Variants in CSMD3 observed in about 807,000 individuals in gnomAD.
CSMD3 encodes the protein CUB and sushi domain-containing protein 3.
Under a neutral mutation model 435.2 loss-of-function variants are expected in CSMD3, and 177 were observed. That is an observed-to-expected ratio of 0.41 (90% CI 0.36 to 0.46). CSMD3 has a LOEUF of 0.46. CSMD3 is among the 20% of genes least tolerant of loss of function. CSMD3 has a pLI of 0.34. For synonymous variants in CSMD3, 1,656 were observed against 1,520.5 expected (o/e 1.09, Z -2.07); for missense variants, 4,265 against 4,504.6 (o/e 0.95, Z 1.52).
At chr8:112,842,086 T>A (rs1316009670) in intron 11 of CSMD3, among the ~76,000 whole-genome samples, 1 of 151,772 alleles carries the variant, frequency 6.6e-6, no homozygotes, top group East Asian at 1.9e-4. Flanking sequence ...ACAGGTATAA[T>A]ATCACATTCC....
In CSMD3 at chr8:112,710,616, G is replaced by T. The variant is rs920137629; in HGVS notation, c.1973-20566C>A. On this transcript the variant is annotated intron_variant, in intron 13 of 70. Coordinates refer to ENST00000297405, the MANE Select transcript of CSMD3 (RefSeq NM_198123.2). ...TTAAGGTTTGGAGTAAAAAGAATTG[G>T]GTGTGGGAGAAAGACAAGGAAAGTC... Among the ~76,000 whole-genome samples the T allele has an allele frequency of 3.3e-5, 5 of 151,660 alleles. No individual in the cohort carries two copies. The South Asian group carries it at 1.0e-3, about 32-fold the overall frequency.
intron 3 of CSMD3, among the ~76,000 whole-genome samples, chr8:113,211,648 C>G (rs2092836141): frequency 6.6e-6 from 1 of 152,072 alleles, no homozygotes; most frequent in African/African-American, 2.4e-5. Context: ...GAGATCGCAC[C>G]ACTGCACTCC....
chr8:113,330,479 T>C (rs75403315), intron 1 of CSMD3, among the ~76,000 whole-genome samples: 1 of 151,818 alleles, frequency 6.6e-6, no homozygotes, highest in Non-Finnish European at 1.5e-5. Flanking sequence ...ACATCAAATA[T>C]AAATGGAATA....
At chr8:113,312,568 G>A (rs2093877803) in intron 2 of CSMD3, 1 of 152,122 alleles carries the variant, frequency 6.6e-6, no homozygotes, top group Non-Finnish European at 1.5e-5. Flanking sequence ...ATAAAAATGT[G>A]TTTTCTCATT....
At chr8:112,333,694 A>C (rs1482444442) in intron 45 of CSMD3, among the ~76,000 whole-genome samples, 1 of 149,620 alleles carries the variant, frequency 6.7e-6, no homozygotes, top group Non-Finnish European at 1.5e-5. Flanking sequence ...ACACACACAC[A>C]ACACTGACAT....
intron 8 of CSMD3, among the ~76,000 whole-genome samples, chr8:112,951,324 T>C (rs1034688612): frequency 1.3e-4 from 20 of 151,792 alleles, no homozygotes; most frequent in African/African-American, 3.9e-4. Context: ...GAGTGCTCTC[T>C]AAAAGTTTAA....
chr8:112,354,744 A>T (rs1249858132), intron 38 of CSMD3, among the ~76,000 whole-genome samples: 2 of 152,234 alleles, frequency 1.3e-5, no homozygotes, highest in Admixed American at 6.5e-5. Flanking sequence ...GAATTGGAAG[A>T]ATCAATATTG....
intron 17 of CSMD3, 114 bp downstream of exon 17, chr8:112,666,163 C>T (rs1586924749): frequency 3.5e-6 from 3 of 854,284 alleles, no homozygotes; most frequent in East Asian, 2.7e-5. Context: ...ATTCAAAGCA[C>T]AGCAATTGAC....
At chr8:112,764,683 A>G (rs907531888) in intron 13 of CSMD3, among the ~76,000 whole-genome samples, 1 of 151,646 alleles carries the variant, frequency 6.6e-6, no homozygotes. Context: ...TACTATATAC[A>G]TAGTAAGTAA....
intron 6 of CSMD3, among the ~76,000 whole-genome samples, chr8:112,986,840 CTT>C (rs760542002): frequency 1.3e-5 from 2 of 151,966 alleles, no homozygotes; most frequent in East Asian, 3.9e-4. Context: ...ACCTGTTAGT[CTT>C]TTTTTATTCA....
At chr8:113,211,371 A>C (rs2092832574) in intron 3 of CSMD3, among the ~76,000 whole-genome samples, 2 of 152,130 alleles carry the variant, frequency 1.3e-5, no homozygotes, top group African/African-American at 4.8e-5. Context: ...AAGGTCACTA[A>C]ATAATTTGTT....
At chr8:113,395,465 G>C (rs12676699) in intron 1 of CSMD3, among the ~76,000 whole-genome samples, 111,158 of 151,824 alleles carry the variant, frequency 0.73, 40,874 homozygotes, top group East Asian at 0.94. Flanking sequence ...AAAAATTAGC[G>C]GGGCGTGGTG....
At chr8:112,496,698 G>A (rs1821382617) in intron 30 of CSMD3, among the ~76,000 whole-genome samples, 1 of 152,114 alleles carries the variant, frequency 6.6e-6, no homozygotes, top group South Asian at 2.1e-4. Context: ...GGCACAGAAA[G>A]ACAAATTTTG....
At chr8:112,964,827 T>C (rs972482451) in intron 7 of CSMD3, among the ~76,000 whole-genome samples, 15 of 151,918 alleles carry the variant, frequency 9.9e-5, no homozygotes, top group African/African-American at 3.6e-4. Flanking sequence ...TAAAAAGCAA[T>C]AGTCCATGCT....
intron 27 of CSMD3, among the ~76,000 whole-genome samples, chr8:112,523,041 A>T (rs1447745303): frequency 6.6e-6 from 1 of 152,018 alleles, no homozygotes; most frequent in Non-Finnish European, 1.5e-5. Flanking sequence ...GGTATAACAA[A>T]GAATAAATAC....
intron 4 of CSMD3, among the ~76,000 whole-genome samples, chr8:113,099,549 A>G (rs1161118879): frequency 6.6e-6 from 1 of 152,148 alleles, no homozygotes; most frequent in Admixed American, 6.6e-5. Flanking sequence ...AACTAATATA[A>G]CTTTAGAAAT....
At chr8:113,157,779 T>C (rs1243866583) in intron 4 of CSMD3, among the ~76,000 whole-genome samples, 6 of 152,090 alleles carry the variant, frequency 3.9e-5, no homozygotes, top group South Asian at 2.1e-4. Flanking sequence ...ATAACATCCT[T>C]ATGCTGAATT....
chr8:112,337,913 T>C (rs1053320279), intron 42 of CSMD3, among the ~76,000 whole-genome samples, 182 bp from the exon 43 acceptor site: 1 of 152,210 alleles, frequency 6.6e-6, no homozygotes, highest in Non-Finnish European at 1.5e-5. Flanking sequence ...TTCTCATGTC[T>C]ACAATTTTCA....
At chr8:112,986,948 G>A (rs962046729) in intron 6 of CSMD3, among the ~76,000 whole-genome samples, 4 of 151,928 alleles carry the variant, frequency 2.6e-5, no homozygotes, top group African/African-American at 9.7e-5. Context: ...TAGTTTCTAT[G>A]AGTTTCCCTC....
Sources: allele counts gnomAD v4.1 joint callset (sites outside exome capture counted in the v4.1 genomes callset), GRCh38; gene constraint gnomAD v4.1.1; transcripts MANE v1.5; gene names NCBI Gene and HGNC (gene_info 2026-07-23, HGNC 2026-07-21).